The following PDS5A variants were observed in gnomAD, a reference collection of about 807,000 sequenced individuals.
PDS5A encodes the protein sister chromatid cohesion protein PDS5 homolog A.
PDS5A carries 42 observed loss-of-function variants against 167.1 expected under a neutral mutation model. The observed-to-expected ratio is 0.25, with a 90% CI of 0.20 to 0.33. The LOEUF (loss-of-function observed/expected upper bound fraction) is 0.33. Among genes scored for constraint, PDS5A ranks in the 10% least tolerant of loss-of-function variants. The probability of loss-of-function intolerance (pLI) is 1.00; values close to 1 mark genes in which losing one functional copy is unlikely to be tolerated. For missense variants in PDS5A, 1,033 were observed against 1,605.9 expected, an observed-to-expected ratio of 0.64 and a Z score of 6.10; for synonymous variants, 553 against 554.6, an observed-to-expected ratio of 1.00 and a Z score of 0.04.
intron 2 of PDS5A, among the ~76,000 whole-genome samples, chr4:39,964,382 C>T (rs1030067056): frequency 2.0e-5 from 3 of 152,158 alleles, no homozygotes; most frequent in African/African-American, 7.2e-5. Context: ...GCCCTATATA[C>T]TGAAAGGGCC....
chr4:39,911,049 G>C (rs967149817), intron 9 of PDS5A, among the ~76,000 whole-genome samples: 5 of 152,084 alleles, frequency 3.3e-5, no homozygotes, highest in African/African-American at 1.2e-4. Flanking sequence ...TGGAAGGACT[G>C]CTTGAGCCCA....
At chr4:39,892,035 C>A (rs1293631854) in intron 16 of PDS5A, among the ~76,000 whole-genome samples, 2 of 152,124 alleles carry the variant, frequency 1.3e-5, no homozygotes, top group African/African-American at 4.8e-5. Flanking sequence ...TCACTTGAGC[C>A]TGGTAGGCAG....
intron 28 of PDS5A, chr4:39,846,499 A>T (rs1717615214): frequency 6.6e-6 from 1 of 152,264 alleles, no homozygotes. Context: ...ACTCCATCTC[A>T]AAAAACATAA....
intron 13 of PDS5A, among the ~76,000 whole-genome samples, chr4:39,900,886 T>C (rs375689400): frequency 6.6e-5 from 10 of 152,054 alleles, no homozygotes; most frequent in African/African-American, 2.4e-4. Context: ...ATAAGGAAGC[T>C]GGAGCATTCC....
At chr4:39,976,688 C>T in intron 1 of PDS5A, 71 bp from the exon 2 acceptor site, 1 of 784,516 alleles carries the variant, frequency 1.3e-6, no homozygotes, top group South Asian at 2.2e-5. Context: ...TTTCAAATCT[C>T]TCTAATCTGG....
chr4:39,940,495 T>C (rs1727122361), intron 2 of PDS5A, among the ~76,000 whole-genome samples: 1 of 152,174 alleles, frequency 6.6e-6, no homozygotes, highest in East Asian at 1.9e-4. Context: ...TCTAAAGATA[T>C]ATAAGAATTT....
At chr4:39,845,571 C>T (rs993767297) in intron 29 of PDS5A, among the ~76,000 whole-genome samples, 2 of 152,040 alleles carry the variant, frequency 1.3e-5, no homozygotes, top group African/African-American at 2.4e-5. Context: ...CCAGGAAAGT[C>T]TTCTTTGTGA....
chr4:39,947,304 A>G (rs1479574873), intron 2 of PDS5A, among the ~76,000 whole-genome samples: 2 of 151,982 alleles, frequency 1.3e-5, no homozygotes, highest in Admixed American at 6.6e-5. Context: ...AAATACAAAA[A>G]ATTAGCCTGG....
intron 28 of PDS5A, chr4:39,847,775 C>T (rs1253801648): frequency 6.6e-6 from 1 of 152,100 alleles, no homozygotes; most frequent in African/African-American, 2.4e-5. Flanking sequence ...GTAGGAAGCT[C>T]CATTTATTTC....
At chr4:39,948,222 A>G (rs972253180) in intron 2 of PDS5A, among the ~76,000 whole-genome samples, 2 of 151,356 alleles carry the variant, frequency 1.3e-5, no homozygotes, top group African/African-American at 4.8e-5. Context: ...AAAAAAAAAA[A>G]AAAAAAAGAA....
At chr4:39,861,045 T>C (rs752125851) in intron 26 of PDS5A, among the ~76,000 whole-genome samples, 40 of 148,530 alleles carry the variant, frequency 2.7e-4, no homozygotes, top group Admixed American at 8.1e-4. Context: ...GCCCGGGGGA[T>C]AGAGTAAGAA....
At chr4:39,930,246 A>AAAAAAAAAAAG in intron 2 of PDS5A, among the ~76,000 whole-genome samples, 1 of 93,090 alleles carries the variant, frequency 1.1e-5, no homozygotes, top group African/African-American at 3.7e-5. Flanking sequence ...AAAAAAAAAA[A>AAAAAAAAAAAG]GTTTTTTTGT....
rs1052247374 is a variant in PDS5A at position 39,839,961 on chromosome 4, G to C, written c.3658-1753C>G. Among the ~76,000 whole-genome samples, 78 of 152,068 alleles carry C rather than the reference G, an allele frequency of 5.1e-4. 2 individuals are homozygous for C. Among genetic ancestry groups the C allele is most frequent in the Admixed American group, 9.2e-4 (14 of 15,274 alleles). On this transcript the variant is annotated intron_variant, in intron 31 of 32. Coordinates refer to ENST00000303538, the MANE Select transcript of PDS5A (RefSeq NM_001100399.2). ...ATACAAAAATTAGCTGGGCATGGTG[G>C]TGCGTGCCTGTAATCCCAGCTACTC...
chr4:39,905,136 C>T (rs1476085372), intron 11 of PDS5A, among the ~76,000 whole-genome samples: 1 of 152,098 alleles, frequency 6.6e-6, no homozygotes, highest in Non-Finnish European at 1.5e-5. Context: ...CCTAGTAAAT[C>T]TAAAATTGTA....
intron 2 of PDS5A, among the ~76,000 whole-genome samples, chr4:39,961,579 A>C (rs952605980): frequency 2.0e-5 from 3 of 152,036 alleles, no homozygotes; most frequent in East Asian, 3.9e-4. Context: ...TTTTTAATAG[A>C]GTCTGGGTCT....
chr4:39,871,174 T>C (rs1719993593), intron 21 of PDS5A, among the ~76,000 whole-genome samples: 2 of 152,146 alleles, frequency 1.3e-5, no homozygotes, highest in South Asian at 4.1e-4. Flanking sequence ...AGTTTCTGTA[T>C]GGGGTGATAA....
At position 39,866,920 on chromosome 4, in the gene PDS5A, A is replaced by C. The variant is rs1276031389; in HGVS notation, c.2583T>G (p.Leu861=). The C allele has an allele frequency of 1.9e-6, 3 of 1,613,092 alleles. No homozygotes were observed. The highest frequency in any genetic ancestry group is 2.5e-6 in the Non-Finnish European group (3 of 1,179,428). The change falls in exon 23 of 33, where the codon CTT becomes CTG. Residue 861 remains leucine (L), a synonymous_variant. Transcript: ENST00000303538. ...NNQSKSANST[L]RLLSAMLVSE... ...TAACCAACATCGCTGATAATAACCG[A>C]AGGGTTGAATTGGCAGATTTAGACT...
chr4:39,905,386 G>A (rs541827460), intron 11 of PDS5A, among the ~76,000 whole-genome samples: 25 of 151,718 alleles, frequency 1.6e-4, no homozygotes, highest in Middle Eastern at 7.0e-3. Context: ...GGTGAAACCC[G>A]GTCTCTACTA....
At chr4:39,937,873 A>ATG (rs1392051993) in intron 2 of PDS5A, among the ~76,000 whole-genome samples, 1 of 152,246 alleles carries the variant, frequency 6.6e-6, no homozygotes, top group Non-Finnish European at 1.5e-5. Context: ...CAGCTAGAGT[A>ATG]TGTATACAAG....
Sources: allele counts gnomAD v4.1 joint callset (sites outside exome capture counted in the v4.1 genomes callset), GRCh38; gene constraint gnomAD v4.1.1; transcripts MANE v1.5; gene names NCBI Gene and HGNC (gene_info 2026-07-23, HGNC 2026-07-21).